Variants in ADD3 observed in about 807,000 individuals in gnomAD.
The protein encoded by ADD3 is gamma-adducin.
In ADD3, 25 loss-of-function variants were observed where a neutral mutation model predicts 80.2. The observed-to-expected ratio is 0.31, with a 90% confidence interval of 0.23 to 0.44. The LOEUF is 0.44. ADD3 is among the 20% of genes least tolerant of loss of function. ADD3 has a pLI of 1.00. For missense variants in ADD3, 829 were observed against 847.5 expected (o/e 0.98, Z 0.27); for synonymous variants, 284 against 289.6 (o/e 0.98, Z 0.20).
At position 110,133,646 on chromosome 10, in the gene ADD3, A is replaced by T. The variant is rs1332938810; in HGVS notation, c.*28A>T. ...AAAGTCTTTTTATAATTATTATTAT[A>T]ACAATGTGACATTGCACATCTAAAT... On this transcript the variant is annotated 3_prime_UTR_variant, in exon 15 of 15. Transcript: ENST00000356080. The T allele has an allele frequency of 6.6e-7, 1 of 1,508,346 alleles. No individual in the cohort carries two copies. The highest frequency in any genetic ancestry group is 2.1e-5 in the Admixed American group (1 of 47,198). The allele number at this position is 1,508,346 out of a possible 1,614,324, so 93.4% of individuals were successfully genotyped here.
intron 1 of ADD3, among the ~76,000 whole-genome samples, chr10:110,085,176 C>A (rs555070548): frequency 6.6e-6 from 1 of 152,288 alleles, no homozygotes; most frequent in South Asian, 2.1e-4. Flanking sequence ...CTTTTCAAAG[C>A]TAAATCCTGT....
chr10:110,090,223 T>C (rs1393278630), intron 1 of ADD3, among the ~76,000 whole-genome samples: 1 of 150,100 alleles, frequency 6.7e-6, no homozygotes, highest in Non-Finnish European at 1.5e-5. Flanking sequence ...TGACTTTTTT[T>C]TTTTTTTTTT....
intron 1 of ADD3, among the ~76,000 whole-genome samples, chr10:110,017,391 T>A (rs773956408): frequency 6.6e-6 from 1 of 152,242 alleles, no homozygotes; most frequent in Non-Finnish European, 1.5e-5. Context: ...AAATGTTTTC[T>A]ATTTGATTTT....
rs754743252 is a variant in ADD3 at position 110,126,455 on chromosome 10, A to G, written c.1560A>G (p.Gly520=). The G allele has an allele frequency of 1.4e-4, 227 of 1,613,604 alleles. No individual in the cohort carries two copies. Among genetic ancestry groups the G allele is most frequent in the Non-Finnish European group, 1.9e-4 (221 of 1,179,954 alleles). ...EQNRYDLKTA[G]PQSQLLAGIV... is the part of the protein sequence containing the mutation. The stretch of plus-strand genomic sequence containing the variant: ...ATCGATATGACTTGAAAACAGCAGG[A>G]CCACAATCTCAGTTGCTTGCTGGAA... The change falls in exon 12 of 15, where the codon GGA becomes GGG. Residue 520 remains glycine (G), a synonymous_variant. Coordinates refer to ENST00000356080, the MANE Select transcript of ADD3 (RefSeq NM_016824.5).
rs184009908 is a variant in ADD3 at position 110,070,150 on chromosome 10, C to T, written c.-29-30475C>T. On this transcript the variant is annotated intron_variant, in intron 1 of 14. Coordinates refer to ENST00000356080, the MANE Select transcript of ADD3 (RefSeq NM_016824.5). ...GCTCCAGGGTAACTTGCCCTGTAACCTTTCAAATAGGCTCCTTTCTCTGAA... is the reference window on the plus strand; with the variant it reads ...GCTCCAGGGTAACTTGCCCTGTAACTTTTCAAATAGGCTCCTTTCTCTGAA... Among the ~76,000 whole-genome samples, 188 of 152,222 alleles carry T rather than the reference C, an allele frequency of 1.2e-3. 1 individual carries two copies. The highest frequency in any genetic ancestry group is 4.0e-3 in the African/African-American group (168 of 41,528).
chr10:110,090,509 C>CTTGTAATTTTA (rs1259953215), intron 1 of ADD3, among the ~76,000 whole-genome samples: 5 of 152,150 alleles, frequency 3.3e-5, no homozygotes, highest in Non-Finnish European at 7.3e-5. Context: ...GTGTGAGCCA[C>CTTGTAATTTTA]CATGCCCAGC....
intron 1 of ADD3, among the ~76,000 whole-genome samples, chr10:110,085,887 C>T (rs1846667452): frequency 1.3e-5 from 2 of 151,516 alleles, no homozygotes; most frequent in African/African-American, 4.9e-5. Context: ...AGGCAGATCA[C>T]CTGAGGTCGG....
intron 1 of ADD3, among the ~76,000 whole-genome samples, chr10:110,098,632 G>C (rs912313775): frequency 6.6e-6 from 1 of 151,720 alleles, no homozygotes; most frequent in Admixed American, 6.6e-5. Flanking sequence ...CATGAATACA[G>C]AATTTTTTTT....
chr10:110,007,228 C>G (rs1205981969), upstream of ADD3, among the ~76,000 whole-genome samples: 1 of 152,064 alleles, frequency 6.6e-6, no homozygotes, highest in Non-Finnish European at 1.5e-5. Flanking sequence ...AGGCCGGGAG[C>G]CAAAGCGGGA....
chr10:110,042,118 TTAGATCTTTG>T (rs1470925548), intron 1 of ADD3, among the ~76,000 whole-genome samples: 117 of 152,338 alleles, frequency 7.7e-4, no homozygotes, highest in African/African-American at 2.7e-3. Flanking sequence ...AACTTTGTGA[TTAGATCTTTG>T]TAGGTAAGTA....
At chr10:110,050,497 A>G (rs185627948) in intron 1 of ADD3, among the ~76,000 whole-genome samples, 1 of 144,296 alleles carries the variant, frequency 6.9e-6, no homozygotes, top group African/African-American at 2.7e-5. Context: ...CTGTGAGTCC[A>G]TTAAACCTCT....
chr10:110,132,483 T>TTCCTCACG, intron 14 of ADD3, 83 bp downstream of exon 14: 1 of 809,186 alleles, frequency 1.2e-6, no homozygotes, highest in Non-Finnish European at 2.1e-6. Context: ...CGTGAGGAAG[T>TTCCTCACG]TGAATACCTC....
chr10:110,121,637 C>A (rs749933233), intron 8 of ADD3, among the ~76,000 whole-genome samples: 1 of 152,142 alleles, frequency 6.6e-6, no homozygotes, highest in Non-Finnish European at 1.5e-5. Flanking sequence ...CTTATTTTTG[C>A]TTTAATGGTT....
intron 1 of ADD3, among the ~76,000 whole-genome samples, chr10:110,078,878 G>A (rs1383086216): frequency 1.3e-5 from 2 of 152,090 alleles, no homozygotes; most frequent in Non-Finnish European, 2.9e-5. Context: ...CAACGAATTT[G>A]CTGTTAAATA....
chr10:110,019,357 CTTT>C (rs11392689), intron 1 of ADD3, among the ~76,000 whole-genome samples: 4 of 138,258 alleles, frequency 2.9e-5, no homozygotes, highest in Admixed American at 7.2e-5. Flanking sequence ...TTTCTGTTTG[CTTT>C]TTTTTTTTTT....
At chr10:110,117,805 G>A (rs1418514376) in intron 5 of ADD3, among the ~76,000 whole-genome samples, 3 of 151,998 alleles carry the variant, frequency 2.0e-5, no homozygotes, top group Non-Finnish European at 4.4e-5. Flanking sequence ...CACGAGGTCA[G>A]GAGTTCAAGA....
rs561202411 is a variant in ADD3 at position 110,045,199 on chromosome 10, C to T, written c.-30+36900C>T. 2.0e-5 allele frequency among the ~76,000 whole-genome samples: 3 copies of T among 152,046 alleles called. No homozygotes were observed. The South Asian group carries it at 6.2e-4, about 32-fold the overall frequency. ...TGAAACCCCGTCTCTACTAAAAATACAAAAATTAGCTGGGCATGGTGGCGT... is the reference window on the plus strand; with the variant it reads ...TGAAACCCCGTCTCTACTAAAAATATAAAAATTAGCTGGGCATGGTGGCGT... On this transcript the variant is annotated intron_variant, in intron 1 of 14. Coordinates refer to ENST00000356080, the MANE Select transcript of ADD3 (RefSeq NM_016824.5).
intron 1 of ADD3, chr10:110,016,561 AATG>A (rs1234909238): frequency 6.6e-6 from 1 of 152,236 alleles, no homozygotes; most frequent in Non-Finnish European, 1.5e-5. Flanking sequence ...TGCAGACAAT[AATG>A]ATGTTAAAAT....
chr10:110,030,182 G>T (rs572635124), intron 1 of ADD3, among the ~76,000 whole-genome samples: 6 of 151,278 alleles, frequency 4.0e-5, no homozygotes, highest in East Asian at 1.9e-4. Context: ...AATTAGCCGG[G>T]CATGGTGGCA....
Sources: gnomAD v4.1 joint callset for allele counts (sites outside exome capture counted in the v4.1 genomes callset) on GRCh38, gnomAD v4.1.1 for gene constraint, MANE v1.5 for transcripts, NCBI Gene and HGNC (gene_info 2026-07-23, HGNC 2026-07-21) for gene names.